Variants in ADGRV1 observed in about 807,000 individuals in gnomAD.
ADGRV1 encodes G-protein coupled receptor 98.
In ADGRV1, 359 loss-of-function variants were observed where a neutral mutation model predicts 596.2. The observed-to-expected ratio is 0.60, with a 90% CI of 0.55 to 0.66. The LOEUF (loss-of-function observed/expected upper bound fraction) is 0.66, where lower values mean the gene tolerates loss of function less well. Among genes scored for constraint, ADGRV1 ranks in the 30% least tolerant of loss-of-function variants. ADGRV1 has a pLI of 0.00. For missense variants in ADGRV1, 7,274 were observed against 7,575.6 expected, an observed-to-expected ratio of 0.96 and a Z score of 1.48; for synonymous variants, 2,681 against 2,679.2, an observed-to-expected ratio of 1.00 and a Z score of -0.02.
Position 90,767,483 on chromosome 5 carries a change from A to T in ADGRV1, c.12285+4014A>T, listed in dbSNP as rs182440607. Among the ~76,000 whole-genome samples, 18 of 151,802 alleles carry T rather than the reference A, an allele frequency of 1.2e-4. No individual in the cohort carries two copies. In the East Asian group the frequency reaches 3.3e-3, roughly 28 times the overall value. On this transcript the variant is annotated intron_variant, in intron 59 of 89. Transcript: ENST00000405460. ...AAAATATTGAAAATTGTAAGAGACTATATAAATGTCGACAAATAAATTTTA... is the reference window on the plus strand; with the variant it reads ...AAAATATTGAAAATTGTAAGAGACTTTATAAATGTCGACAAATAAATTTTA...
In ADGRV1 at chr5:90,710,989, G is replaced by A; in HGVS notation, c.8833G>A (p.Gly2945Ser). 6.2e-7 allele frequency: 1 copy of A among 1,601,722 alleles called. No homozygotes were observed. Among genetic ancestry groups the A allele is most frequent in the Non-Finnish European group, 8.5e-7 (1 of 1,170,608 alleles). Residue 2945 changes from glycine (G) to serine (S), a missense_variant, in exon 40 of 90, where the codon GGT becomes AGT. Transcript: ENST00000405460. ...TSFPPRLDSE[G>S]LTAQVIIDAN... ...CTTCTATGTTTTTTAAGATTCAGAA[G>A]GTTTGACTGCACAAGTTATTATTGA...
chr5:90,639,745 C>G (rs2149417697), intron 11 of ADGRV1, among the ~76,000 whole-genome samples: 1 of 152,144 alleles, frequency 6.6e-6, no homozygotes, highest in African/African-American at 2.4e-5. Flanking sequence ...TTTGAGTGTT[C>G]AGAAACATTT....
intron 48 of ADGRV1, among the ~76,000 whole-genome samples, chr5:90,726,148 G>A (rs1210177944): frequency 1.3e-5 from 2 of 152,154 alleles, no homozygotes; most frequent in East Asian, 1.9e-4. Flanking sequence ...GCTACCAAAA[G>A]GGGTATTATT....
rs972059561 is a variant in ADGRV1, at chr5:90,864,039, T to A, written c.17856+182T>A. Among the ~76,000 whole-genome samples the A allele has an allele frequency of 2.0e-5, 3 of 152,112 alleles. No homozygotes were observed. The South Asian group carries it at 6.2e-4, about 32-fold the overall frequency. On this transcript the variant is annotated intron_variant, in intron 83 of 89. Transcript: ENST00000405460. ...ATAAGGAGAATCAGGCCTAAAATGC[T>A]TCTTTCTACAGAGAAGCACCTTAAT...
chr5:91,011,030 A>G (rs977510886), intron 85 of ADGRV1, among the ~76,000 whole-genome samples: 9 of 152,022 alleles, frequency 5.9e-5, no homozygotes, highest in Admixed American at 1.3e-4. Context: ...CATAAAAAAT[A>G]TGGAACAATA....
At chr5:91,051,131 A>G (rs1786282957) in intron 85 of ADGRV1, among the ~76,000 whole-genome samples, 7 of 152,194 alleles carry the variant, frequency 4.6e-5, no homozygotes, top group Admixed American at 4.6e-4. Flanking sequence ...AAAACCCTAA[A>G]AGGCTCCTTA....
At chr5:91,110,556 A>G (rs1792278399) in intron 87 of ADGRV1, among the ~76,000 whole-genome samples, 1 of 152,188 alleles carries the variant, frequency 6.6e-6, no homozygotes, top group African/African-American at 2.4e-5. Context: ...AGGCTGAAAT[A>G]CAGCATTTAT....
chr5:90,823,731 A>C (rs1763819034), intron 76 of ADGRV1, 135 bp downstream of exon 76: 1 of 725,228 alleles, frequency 1.4e-6, no homozygotes, highest in Non-Finnish European at 2.2e-6. Flanking sequence ...ATAATGTCTA[A>C]ATCTCTTTGC....
chr5:90,969,337 T>A (rs1562016550), intron 84 of ADGRV1, among the ~76,000 whole-genome samples: 1 of 152,240 alleles, frequency 6.6e-6, no homozygotes. Context: ...TTGAATACTC[T>A]GCTATTCCAA....
At chr5:91,133,340 TC>T (rs1245744983) in intron 87 of ADGRV1, among the ~76,000 whole-genome samples, 2 of 152,200 alleles carry the variant, frequency 1.3e-5, no homozygotes, top group Non-Finnish European at 2.9e-5. Context: ...GCCTGGGCCA[TC>T]CTGGTGACTC....
rs146780408 is a variant in ADGRV1, at chr5:90,914,368, C to T, written c.17856+50511C>T. ...CTGTGCTAAATCTTTCATAGAGACT[C>T]GTCTCATTTAAACCTCACAACAAAT... On this transcript the variant is annotated intron_variant, in intron 83 of 89. Coordinates refer to ENST00000405460, the MANE Select transcript of ADGRV1 (RefSeq NM_032119.4). Among the ~76,000 whole-genome samples the T allele has an allele frequency of 3.0e-3, 460 of 152,204 alleles. 1 individual carries two copies. The highest frequency in any genetic ancestry group is 0.011 in the African/African-American group (445 of 41,542).
At chr5:90,561,112 T>G (rs1408432888) in intron 1 of ADGRV1, among the ~76,000 whole-genome samples, 1 of 152,144 alleles carries the variant, frequency 6.6e-6, no homozygotes, top group Non-Finnish European at 1.5e-5. Flanking sequence ...TTATATTGGA[T>G]CATGAATTAA....
At chr5:90,711,910 G>A (rs1749408880) in intron 41 of ADGRV1, among the ~76,000 whole-genome samples, 1 of 152,048 alleles carries the variant, frequency 6.6e-6, no homozygotes, top group Non-Finnish European at 1.5e-5. Flanking sequence ...CTGAGTAGCT[G>A]GGATTACAGG....
chr5:90,868,352 C>T (rs921649400), intron 83 of ADGRV1, among the ~76,000 whole-genome samples: 1 of 151,880 alleles, frequency 6.6e-6, no homozygotes, highest in African/African-American at 2.4e-5. Flanking sequence ...TGTATCTTTC[C>T]CTCATTAATG....
In ADGRV1 at chr5:91,163,978, C is replaced by G. The variant is rs1354806812; in HGVS notation, c.*78C>G. Reference sequence around the variant, plus strand: ...TGCTAAAACTCTCTAAGTACATCCACCTGTGTAATAGGAACCTGTGAATTG... The same window carrying G: ...TGCTAAAACTCTCTAAGTACATCCAGCTGTGTAATAGGAACCTGTGAATTG... On this transcript the variant is annotated 3_prime_UTR_variant, in exon 90 of 90. Transcript: ENST00000405460. The G allele has an allele frequency of 4.1e-6, 3 of 736,916 alleles. No individual in the cohort carries two copies. Among genetic ancestry groups the G allele is most frequent in the African/African-American group, 1.7e-5 (1 of 57,620 alleles). 45.6% of individuals were successfully genotyped at this position (736,916 alleles called of 1,614,324 possible).
At chr5:90,687,488 C>G (rs192331544) in intron 29 of ADGRV1, among the ~76,000 whole-genome samples, 1 of 152,084 alleles carries the variant, frequency 6.6e-6, no homozygotes, top group Non-Finnish European at 1.5e-5. Context: ...AAAACTGGCA[C>G]AAGACAGGGA....
intron 75 of ADGRV1, among the ~76,000 whole-genome samples, chr5:90,817,628 A>G (rs1470801435): frequency 6.6e-6 from 1 of 152,076 alleles, no homozygotes; most frequent in Non-Finnish European, 1.5e-5. Context: ...AGCTTTCTAC[A>G]TATGGCTAGC....
intron 82 of ADGRV1, among the ~76,000 whole-genome samples, chr5:90,859,689 G>A (rs1767359970): frequency 1.3e-5 from 2 of 152,042 alleles, no homozygotes; most frequent in Admixed American, 1.3e-4. Context: ...AGGTTGATGG[G>A]GATATTTTAC....
chr5:91,010,188 A>G (rs1782608459), intron 85 of ADGRV1, among the ~76,000 whole-genome samples: 1 of 152,120 alleles, frequency 6.6e-6, no homozygotes, highest in Admixed American at 6.6e-5. Flanking sequence ...ATAAAAGCTA[A>G]CTACAACATG....
Sources: allele counts gnomAD v4.1 joint callset (sites outside exome capture counted in the v4.1 genomes callset), GRCh38; gene constraint gnomAD v4.1.1; transcripts MANE v1.5; gene names NCBI Gene and HGNC (gene_info 2026-07-23, HGNC 2026-07-21).